METTL9: variants seen among roughly 807,000 people sequenced by gnomAD.
METTL9 encodes methyltransferase 9, His-X-His N1(pi)-histidine.
In METTL9, 10 loss-of-function variants were observed where a neutral mutation model predicts 36.0. The ratio of observed to expected loss-of-function variants is 0.28; its 90% confidence interval spans 0.17 to 0.47. The LOEUF is 0.47. Among genes scored for constraint, METTL9 ranks in the 20% least tolerant of loss-of-function variants. The pLI is 0.99. For synonymous variants in METTL9, 175 were observed against 149.7 expected, an observed-to-expected ratio of 1.17 and a Z score of -1.23; for missense variants, 246 against 383.5, an observed-to-expected ratio of 0.64 and a Z score of 3.00.
At chr16:21,606,595 G>C (rs1034101407) in intron 1 of METTL9, among the ~76,000 whole-genome samples, 17 of 152,072 alleles carry the variant, frequency 1.1e-4, no homozygotes, top group African/African-American at 3.6e-4. Context: ...CTCATCCTTG[G>C]AGATTGGAAG....
chr16:21,644,507 C>G, intron 4 of METTL9: 1 of 695,494 alleles, frequency 1.4e-6, no homozygotes, highest in Non-Finnish European at 2.5e-6. Context: ...TGAACTTACT[C>G]TGCTTGCCTA....
chr16:21,625,283 T>A, intron 4 of METTL9, 168 bp downstream of exon 4: 2 of 713,242 alleles, frequency 2.8e-6, no homozygotes, highest in Non-Finnish European at 4.7e-6. Flanking sequence ...ATGTTCACCT[T>A]AAGGTGGACT....
intron 4 of METTL9, 183 bp from the exon 5 acceptor site, chr16:21,655,044 C>A: frequency 1.6e-6 from 1 of 611,788 alleles, no homozygotes; most frequent in Non-Finnish European, 2.9e-6. Flanking sequence ...TTCACCCCTT[C>A]TGAGTCTGTT....
chr16:21,637,534 G>A (rs576704729), intron 4 of METTL9, among the ~76,000 whole-genome samples: 43 of 152,358 alleles, frequency 2.8e-4, no homozygotes, highest in African/African-American at 1.0e-3. Context: ...CAGAAGCCCA[G>A]CCAGCTTCAC....
In METTL9 at chr16:21,642,692, AT is replaced by A. The variant is rs143375720; in HGVS notation, c.752-12527del. On this transcript the variant is annotated intron_variant, in intron 4 of 4. Coordinates refer to ENST00000358154, the MANE Select transcript of METTL9 (RefSeq NM_016025.5). ...ATTTTTGCCTTATAAGTAACAAGTA[AT>A]TTTTTTTCATAATTTGACCCACAAA... 8.8e-3 allele frequency among the ~76,000 whole-genome samples: 1,343 copies of A among 152,122 alleles called. 46 individuals are homozygous for A. Among genetic ancestry groups the A allele is most frequent in the East Asian group, 0.083 (428 of 5,182 alleles).
upstream of METTL9, chr16:21,597,296 A>G: frequency 1.6e-5 from 20 of 1,288,962 alleles, no homozygotes; most frequent in Non-Finnish European, 2.0e-5. Context: ...AAGTTCTATG[A>G]AAAGGTCAGC....
chr16:21,655,628 A>C lies in METTL9; in HGVS notation c.*196A>C. 1 of 542,080 alleles carries C rather than the reference A, an allele frequency of 1.8e-6. No individual in the cohort carries two copies. The highest frequency in any genetic ancestry group is 1.9e-5 in the African/African-American group (1 of 52,844). 33.6% of individuals were successfully genotyped at this position (542,080 alleles called of 1,614,324 possible). A position where few individuals can be genotyped will look rare whatever the true frequency, so the allele number is the denominator to read the frequency against. The stretch of plus-strand genomic sequence containing the variant: ...AATGTTTTTAAAAGACAAAAACCCA[A>C]CTCTTTGTGGATTTTTATCAACTCT... On this transcript the variant is annotated 3_prime_UTR_variant, in exon 5 of 5. Transcript: ENST00000358154.
At position 21,656,311 on chromosome 16, in the gene METTL9, T is replaced by C. The variant is rs1271162906; in HGVS notation, c.*879T>C. 1.3e-5 allele frequency: 2 copies of C among 152,084 alleles called. No homozygotes were observed. The highest frequency in any genetic ancestry group is 4.8e-5 in the African/African-American group (2 of 41,422). The allele number at this position is 152,084 out of a possible 1,614,324, so 9.4% of individuals were successfully genotyped here. A position where few individuals can be genotyped will look rare whatever the true frequency, so the allele number is the denominator to read the frequency against. ...TCTCAGGTTCTCAGAATTGAAACAT[T>C]CAGTTTTGTCTACTGACAAAATGCA... On this transcript the variant is annotated 3_prime_UTR_variant, in exon 5 of 5. Coordinates refer to ENST00000358154, the MANE Select transcript of METTL9 (RefSeq NM_016025.5).
intron 1 of METTL9, among the ~76,000 whole-genome samples, chr16:21,602,946 A>G (rs1040047278): frequency 6.6e-6 from 1 of 152,130 alleles, no homozygotes; most frequent in Non-Finnish European, 1.5e-5. Context: ...GGCGTGAGGT[A>G]CTACACCCAG....
upstream of METTL9, among the ~76,000 whole-genome samples, chr16:21,598,674 T>G (rs1262440243): frequency 6.6e-6 from 1 of 152,178 alleles, no homozygotes; most frequent in African/African-American, 2.4e-5. Context: ...TCTGAAATGT[T>G]GCTAGGTCTC....
chr16:21,643,048 A>ATT lies in METTL9; in HGVS notation c.752-12171_752-12170dup, dbSNP rs769652733. 11 of 1,458,258 alleles carry ATT rather than the reference A, an allele frequency of 7.5e-6. No individual in the cohort carries two copies. In the African/African-American group the frequency reaches 8.4e-5, roughly 11 times the overall value. The allele number at this position is 1,458,258 out of a possible 1,614,324, so 90.3% of individuals were successfully genotyped here. A position where few individuals can be genotyped will look rare whatever the true frequency, so the allele number is the denominator to read the frequency against. On this transcript the variant is annotated intron_variant, in intron 4 of 4. Coordinates refer to ENST00000358154, the MANE Select transcript of METTL9 (RefSeq NM_016025.5). The stretch of plus-strand genomic sequence containing the variant: ...AAACGTGCTTTATATCTGTATTTAC[A>ATT]TTTTTTTTTGACATTTTACACTTAC...
intron 4 of METTL9, among the ~76,000 whole-genome samples, chr16:21,649,439 G>A (rs1452983691): frequency 6.6e-6 from 1 of 152,120 alleles, no homozygotes; most frequent in Non-Finnish European, 1.5e-5. Context: ...GTCTGTGGGA[G>A]GCCCAGCTCA....
intron 1 of METTL9, among the ~76,000 whole-genome samples, chr16:21,610,144 A>C (rs1965393225): frequency 6.6e-6 from 1 of 152,200 alleles, no homozygotes; most frequent in Non-Finnish European, 1.5e-5. Flanking sequence ...CAGCCACTCC[A>C]CATTGTCCCA....
At chr16:21,630,409 C>T (rs1597765771) in intron 4 of METTL9, among the ~76,000 whole-genome samples, 1 of 152,248 alleles carries the variant, frequency 6.6e-6, no homozygotes, top group Non-Finnish European at 1.5e-5. Context: ...TACAGTGCAG[C>T]CGTGGGCTGA....
chr16:21,649,717 AT>A (rs1966519384), intron 4 of METTL9, among the ~76,000 whole-genome samples: 1 of 152,024 alleles, frequency 6.6e-6, no homozygotes, highest in Admixed American at 6.6e-5. Flanking sequence ...ACACATTTTT[AT>A]TTTTGAGATA....
At chr16:21,647,429 T>G in intron 4 of METTL9, 16 of 1,614,048 alleles carry the variant, frequency 9.9e-6, no homozygotes, top group Middle Eastern at 1.6e-4. Context: ...GACGGCCTCA[T>G]GAGTGTAGTC....
intron 3 of METTL9, among the ~76,000 whole-genome samples, chr16:21,622,602 G>A (rs554115818): frequency 6.6e-6 from 1 of 152,180 alleles, no homozygotes. Flanking sequence ...GGGCTAATAC[G>A]CAGTTTTAGT....
intron 4 of METTL9, among the ~76,000 whole-genome samples, chr16:21,650,841 A>G (rs1966554560): frequency 6.6e-6 from 1 of 152,188 alleles, no homozygotes; most frequent in African/African-American, 2.4e-5. Context: ...TATTCTAGGA[A>G]TTGTTTTTTA....
intron 1 of METTL9, among the ~76,000 whole-genome samples, chr16:21,603,252 G>A (rs1024335824): frequency 6.6e-6 from 1 of 151,758 alleles, no homozygotes; most frequent in Non-Finnish European, 1.5e-5. Context: ...CGGTTCTCAT[G>A]CCTCAGCCTC....
Sources: allele counts gnomAD v4.1 joint callset (sites outside exome capture counted in the v4.1 genomes callset), GRCh38; gene constraint gnomAD v4.1.1; transcripts MANE v1.5; gene names NCBI Gene and HGNC (gene_info 2026-07-23, HGNC 2026-07-21).